PAK1IP1: variants seen among roughly 807,000 people sequenced by gnomAD.
PAK1IP1 encodes the protein PAK1 interacting protein 1, also known as p21-activated protein kinase-interacting protein 1.
PAK1IP1 carries 24 observed loss-of-function variants against 42.0 expected under a neutral mutation model. That is an observed-to-expected ratio of 0.57 (90% CI 0.41 to 0.80). PAK1IP1 has a LOEUF of 0.80. Ranked by LOEUF, PAK1IP1 falls within the 30% of genes least tolerant of loss-of-function variation. The pLI is 0.00. For missense variants in PAK1IP1, 411 were observed against 467.9 expected, an observed-to-expected ratio of 0.88 and a Z score of 1.12; for synonymous variants, 154 against 156.7, an observed-to-expected ratio of 0.98 and a Z score of 0.13.
chr6:10,707,298 A>G, intron 7 of PAK1IP1, 117 bp from the exon 8 acceptor site: 1 of 683,678 alleles, frequency 1.5e-6, no homozygotes, highest in Non-Finnish European at 2.6e-6. Flanking sequence ...CCATTCATTG[A>G]GCAGTTTGGA....
chr6:10,695,993 CTG>C (rs1463675839), intron 1 of PAK1IP1, among the ~76,000 whole-genome samples: 5 of 151,508 alleles, frequency 3.3e-5, no homozygotes, highest in Non-Finnish European at 7.4e-5. Flanking sequence ...AATTACTTAA[CTG>C]TGTTCCAGAC....
chr6:10,694,600 GCAACC>G, upstream of PAK1IP1: 1 of 173,902 alleles, frequency 5.8e-6, no homozygotes, highest in Non-Finnish European at 1.2e-5. Context: ...CAGCCCCTAA[GCAACC>G]GGCCGGAAGT....
rs1770315321 is a variant in PAK1IP1, at chr6:10,709,502, A to G, written c.*50A>G. 8.0e-7 allele frequency: 1 copy of G among 1,245,990 alleles called. No individual in the cohort carries two copies. The highest frequency in any genetic ancestry group is 1.1e-6 in the Non-Finnish European group (1 of 927,136). 77.2% of individuals were successfully genotyped at this position (1,245,990 alleles called of 1,614,324 possible). A position where few individuals can be genotyped will look rare whatever the true frequency, so the allele number is the denominator to read the frequency against. ...TCTTTTAGATGAAATCATTCTACTC[A>G]AATGTACCTTAATTTTTTTTTTTTC... On this transcript the variant is annotated 3_prime_UTR_variant, in exon 10 of 10. Coordinates refer to ENST00000379568, the MANE Select transcript of PAK1IP1 (RefSeq NM_017906.3).
rs748769773 is a variant in PAK1IP1 at position 10,707,510 on chromosome 6, A to T, written c.836A>T (p.Asp279Val). Residue 279 changes from aspartate to valine, a missense_variant, in exon 8 of 10, where the codon GAT becomes GTT. Asp to Val is a radical substitution (Grantham distance 152). Coordinates refer to ENST00000379568, the MANE Select transcript of PAK1IP1 (RefSeq NM_017906.3). ...GFIKMWKLKQ[D>V]KKVPPSLLCE... ...ATCAAAATGTGGAAGCTTAAGCAGG[A>T]TAAGGTCAGTGCTTCAACACAATCT... 1 of 1,573,242 alleles carries T rather than the reference A, an allele frequency of 6.4e-7. No individual in the cohort carries two copies. Among genetic ancestry groups the T allele is most frequent in the African/African-American group, 1.4e-5 (1 of 74,028 alleles).
At position 10,709,407 on chromosome 6, in the gene PAK1IP1, G is replaced by T. The variant is rs150834153; in HGVS notation, c.1134G>T (p.Met378Ile). ...ISTKKRKMVE[M>I]LEKKRKKKKI... Reference sequence around the variant, plus strand: ...CCAAGAAGAGGAAAATGGTAGAAATGTTGGAAAAGAAGAGGAAAAAGAAGA... The same window carrying T: ...CCAAGAAGAGGAAAATGGTAGAAATTTTGGAAAAGAAGAGGAAAAAGAAGA... Residue 378 changes from methionine to isoleucine, a missense_variant, in exon 10 of 10, where the codon ATG (methionine) becomes ATT (isoleucine). By Grantham distance (10) the Met-to-Ile change is conservative. Coordinates refer to ENST00000379568, the MANE Select transcript of PAK1IP1 (RefSeq NM_017906.3). The T allele has an allele frequency of 9.9e-6, 16 of 1,612,676 alleles. No homozygotes were observed. Among genetic ancestry groups the T allele is most frequent in the Non-Finnish European group, 1.4e-5 (16 of 1,179,556 alleles).
At chr6:10,691,418 G>C (rs1339082388), upstream of PAK1IP1, among the ~76,000 whole-genome samples, 1 of 152,056 alleles carries the variant, frequency 6.6e-6, no homozygotes, top group Non-Finnish European at 1.5e-5. Flanking sequence ...TGACTGGGGG[G>C]CTGCATGCAC....
intron 4 of PAK1IP1, 34 bp from the exon 5 acceptor site, chr6:10,703,371 T>C: frequency 6.5e-7 from 1 of 1,542,794 alleles, no homozygotes; most frequent in Non-Finnish European, 8.9e-7. Flanking sequence ...AGTTAGTTGG[T>C]GATCACACCG....
chr6:10,709,047 GCCTT>G lies in PAK1IP1; in HGVS notation c.939_942del (p.Pro314GlnfsTer8). ...GACAAAGTGGCAGACATGAAAGAAA[GCCTT>G]CCTCCAGCTGCAGAGCCTTCTCCTG... is the stretch of plus-strand genomic sequence containing the variant. On this transcript the variant is annotated frameshift_variant, in exon 9 of 10. Transcript: ENST00000379568. LOFTEE classifies it low-confidence loss of function (END_TRUNC). 3 of 1,613,608 alleles carry G rather than the reference GCCTT, an allele frequency of 1.9e-6. No homozygotes were observed. Among genetic ancestry groups the G allele is most frequent in the Non-Finnish European group, 2.5e-6 (3 of 1,179,632 alleles).
chr6:10,702,315 T>A (rs1022559415), intron 2 of PAK1IP1, 54 bp from the exon 3 acceptor site: 32 of 1,457,426 alleles, frequency 2.2e-5, no homozygotes, highest in Non-Finnish European at 3.1e-5. Flanking sequence ...AAATCAGAAA[T>A]GGAGTTTGCA....
At chr6:10,693,072 A>T (rs1188446526), upstream of PAK1IP1, among the ~76,000 whole-genome samples, 1 of 152,102 alleles carries the variant, frequency 6.6e-6, no homozygotes, top group African/African-American at 2.4e-5. Context: ...TGTGCTAATA[A>T]CTCTGTTAAG....
intron 4 of PAK1IP1, 103 bp downstream of exon 4, chr6:10,702,742 T>G (rs1490004419): frequency 1.2e-6 from 1 of 837,988 alleles, no homozygotes; most frequent in Non-Finnish European, 2.0e-6. Context: ...CAAAAGCTGG[T>G]GAACCTTTTC....
At chr6:10,702,524 G>A (rs780539917) in intron 3 of PAK1IP1, 35 bp downstream of exon 3, 3 of 1,614,026 alleles carry the variant, frequency 1.9e-6, no homozygotes. Flanking sequence ...CATTCTCGAT[G>A]TGCCAGTCAA....
chr6:10,700,290 T>C (rs1413553623), intron 2 of PAK1IP1, among the ~76,000 whole-genome samples: 1 of 152,110 alleles, frequency 6.6e-6, no homozygotes, highest in African/African-American at 2.4e-5. Flanking sequence ...ACTCTTGACC[T>C]CAAGTGATCC....
At chr6:10,693,945 C>G (rs1769597050), upstream of PAK1IP1, among the ~76,000 whole-genome samples, 1 of 152,110 alleles carries the variant, frequency 6.6e-6, no homozygotes, top group African/African-American at 2.4e-5. Flanking sequence ...CTCAGGCTCA[C>G]TTTGTTTTCC....
intron 7 of PAK1IP1, among the ~76,000 whole-genome samples, chr6:10,707,171 A>T (rs1326794252): frequency 1.3e-5 from 2 of 152,118 alleles, no homozygotes; most frequent in African/African-American, 4.8e-5. Flanking sequence ...ATTTATAGTT[A>T]TCTGTTTTCT....
chr6:10,707,540 G>A, intron 8 of PAK1IP1, 26 bp downstream of exon 8: 1 of 1,328,550 alleles, frequency 7.5e-7, no homozygotes, highest in Non-Finnish European at 1.1e-6. Flanking sequence ...CAATCTAAAT[G>A]TACTTTAATA....
In PAK1IP1 at chr6:10,704,652, A is replaced by T; in HGVS notation, c.642A>T (p.Ser214=). 1 of 1,612,530 alleles carries T rather than the reference A, an allele frequency of 6.2e-7. No homozygotes were observed. Among genetic ancestry groups the T allele is most frequent in the East Asian group, 2.2e-5 (1 of 44,852 alleles). The part of the protein sequence containing the change: ...EKRISSVKFL[S]ESVLAVAGDE... ...GAATTTCCTCTGTTAAATTTCTTTC[A>T]GTAAGTAATCAGAAATCATTGACCA... Residue 214 remains serine, a splice_region_variant and synonymous_variant, in exon 6 of 10, where the codon TCA becomes TCT. Transcript: ENST00000379568.
upstream of PAK1IP1, among the ~76,000 whole-genome samples, chr6:10,691,856 A>C (rs1769342740): frequency 6.6e-6 from 1 of 152,062 alleles, no homozygotes; most frequent in South Asian, 2.1e-4. Flanking sequence ...TTTTAAAGTA[A>C]AACCACTTTG....
chr6:10,694,806 C>T (rs1017804109), upstream of PAK1IP1: 27 of 554,550 alleles, frequency 4.9e-5, no homozygotes, highest in African/African-American at 4.5e-4. Flanking sequence ...TCCATGTGAC[C>T]TCCCCGCGCT....
Sources: gnomAD v4.1 joint callset for allele counts (sites outside exome capture counted in the v4.1 genomes callset) on GRCh38, gnomAD v4.1.1 for gene constraint, MANE v1.5 for transcripts, NCBI Gene and HGNC (gene_info 2026-07-23, HGNC 2026-07-21) for gene names.